Variants in FARP2 observed in about 807,000 individuals in gnomAD.
The protein encoded by FARP2 is FERM, ARH/RhoGEF and pleckstrin domain protein 2.
In FARP2, 111 loss-of-function variants were observed where a neutral mutation model predicts 130.5. The ratio of observed to expected loss-of-function variants is 0.85; its 90% CI spans 0.73 to 1.00. The LOEUF (loss-of-function observed/expected upper bound fraction) is 1.00. Ranked by LOEUF, FARP2 falls within the 50% of genes least tolerant of loss-of-function variation. The probability of loss-of-function intolerance (pLI) is 0.00; values close to 1 mark genes in which losing one functional copy is unlikely to be tolerated. For synonymous variants in FARP2, 504 were observed against 516.9 expected (o/e 0.98, Z 0.34); for missense variants, 1,385 against 1,346.3 (o/e 1.03, Z -0.45).
intron 8 of FARP2, among the ~76,000 whole-genome samples, chr2:241,421,034 G>A (rs1488720551): frequency 1.3e-5 from 2 of 152,150 alleles, no homozygotes; most frequent in African/African-American, 2.4e-5. Context: ...ATGAAGAAAA[G>A]CGAGGGTGGG....
At chr2:241,461,113 C>T (rs950253417) in intron 14 of FARP2, among the ~76,000 whole-genome samples, 1 of 152,176 alleles carries the variant, frequency 6.6e-6, no homozygotes, top group African/African-American at 2.4e-5. Context: ...TGCTCACTTG[C>T]AAACCCAGCT....
chr2:241,379,383 T>A (rs1171231432), intron 2 of FARP2, among the ~76,000 whole-genome samples: 1 of 152,232 alleles, frequency 6.6e-6, no homozygotes, highest in Non-Finnish European at 1.5e-5. Context: ...TGCTGACAAG[T>A]GGGGATTGCA....
chr2:241,407,873 T>TA (rs2062404484), intron 5 of FARP2, among the ~76,000 whole-genome samples: 1 of 152,184 alleles, frequency 6.6e-6, no homozygotes, highest in Non-Finnish European at 1.5e-5. Context: ...ATGTTGAACT[T>TA]ACATTTTCCA....
intron 14 of FARP2, among the ~76,000 whole-genome samples, chr2:241,458,037 G>A (rs903738523): frequency 6.6e-6 from 1 of 152,176 alleles, no homozygotes. Flanking sequence ...GAAAGTGACC[G>A]AGCAGAGAAG....
chr2:241,390,872 T>A (rs2061889029), intron 2 of FARP2, among the ~76,000 whole-genome samples: 1 of 152,224 alleles, frequency 6.6e-6, no homozygotes, highest in African/African-American at 2.4e-5. Context: ...TCTTAGTGTC[T>A]GTGTATTTTT....
intron 2 of FARP2, among the ~76,000 whole-genome samples, chr2:241,393,101 C>T (rs1575496149): frequency 1.3e-5 from 2 of 151,784 alleles, no homozygotes; most frequent in East Asian, 3.9e-4. Flanking sequence ...CTCATTGCAA[C>T]CTCTGCCTCC....
chr2:241,463,311 C>G (rs1354666507), intron 15 of FARP2, 24 bp from the exon 16 acceptor site: 2 of 1,610,112 alleles, frequency 1.2e-6, no homozygotes, highest in East Asian at 4.5e-5. Context: ...CCACACCTCC[C>G]ATCACACCAC....
intron 7 of FARP2, 34 bp downstream of exon 7, chr2:241,413,455 C>A: frequency 7.3e-7 from 1 of 1,364,878 alleles, no homozygotes; most frequent in Non-Finnish European, 1.0e-6. Flanking sequence ...AACACATTGT[C>A]ACCACAGTAA....
rs928852962 is a variant in FARP2 at position 241,482,699 on chromosome 2, G to A, written c.2263-766G>A. 6.6e-6 allele frequency among the ~76,000 whole-genome samples: 1 copy of A among 152,088 alleles called. No homozygotes were observed. Among genetic ancestry groups the A allele is most frequent in the African/African-American group, 2.4e-5 (1 of 41,404 alleles). On this transcript the variant is annotated intron_variant, in intron 19 of 26. Coordinates refer to ENST00000264042, the MANE Select transcript of FARP2 (RefSeq NM_014808.4). This position sits in a 1 kb window ranked among gnomAD's most constrained non-coding sequence, Gnocchi z 4.6. The stretch of plus-strand genomic sequence containing the variant: ...CTTCTGCCTTCACGCAGTATGTTGG[G>A]ACTGCTCATACTAGGAGGCCCCTAG...
At chr2:241,423,969 A>C (rs943977881) in intron 8 of FARP2, among the ~76,000 whole-genome samples, 2 of 152,212 alleles carry the variant, frequency 1.3e-5, no homozygotes, top group Non-Finnish European at 2.9e-5. Flanking sequence ...AAGTTCTTAA[A>C]GATCTAAAAA....
intron 1 of FARP2, among the ~76,000 whole-genome samples, chr2:241,358,509 G>A (rs1221676443): frequency 6.6e-6 from 1 of 152,188 alleles, no homozygotes; most frequent in African/African-American, 2.4e-5. Context: ...AAACACCCCT[G>A]CTTCTAGTCA....
At chr2:241,411,178 A>G (rs1202084661) in intron 6 of FARP2, 48 bp downstream of exon 6, 1 of 1,284,932 alleles carries the variant, frequency 7.8e-7, no homozygotes, top group Admixed American at 1.8e-5. Flanking sequence ...CATGGCACAG[A>G]TATACCCGCA....
intron 13 of FARP2, chr2:241,456,320 T>G (rs2063836098): frequency 6.4e-6 from 1 of 155,044 alleles, no homozygotes; most frequent in Non-Finnish European, 1.4e-5. Context: ...ATGTTAGCCC[T>G]GGTTTGACAT....
intron 26 of FARP2, 153 bp downstream of exon 26, chr2:241,493,597 G>GT (rs11320829): frequency 0.23 from 124,699 of 546,956 alleles, 2,931 homozygotes; most frequent in East Asian, 0.32. Flanking sequence ...GCAATGCTTT[G>GT]TTTTTTTTTT....
At chr2:241,472,109 C>A (rs375674000) in intron 18 of FARP2, among the ~76,000 whole-genome samples, 3 of 150,678 alleles carry the variant, frequency 2.0e-5, no homozygotes, top group Admixed American at 6.6e-5. Context: ...CTGTGGAGAC[C>A]CTATTCTGAG....
chr2:241,407,724 G>A, intron 5 of FARP2, 109 bp downstream of exon 5: 1 of 820,402 alleles, frequency 1.2e-6, no homozygotes, highest in Non-Finnish European at 2.0e-6. Context: ...GATATACACA[G>A]AAAAGTGACC....
At chr2:241,374,806 A>T (rs1460134388) in intron 2 of FARP2, among the ~76,000 whole-genome samples, 1 of 152,234 alleles carries the variant, frequency 6.6e-6, no homozygotes, top group East Asian at 1.9e-4. Flanking sequence ...AACTTCCCAC[A>T]TCACTTCTGT....
chr2:241,405,168 A>G (rs2062300865), intron 4 of FARP2: 1 of 203,234 alleles, frequency 4.9e-6, no homozygotes, highest in Admixed American at 5.3e-5. Flanking sequence ...GTAGCTTTTA[A>G]TAAAATAGTT....
At chr2:241,415,920 A>G (rs918366870) in intron 7 of FARP2, among the ~76,000 whole-genome samples, 1 of 151,972 alleles carries the variant, frequency 6.6e-6, no homozygotes, top group East Asian at 1.9e-4. Flanking sequence ...GGCAGTGACA[A>G]CATCTTTGGG....
Sources: allele counts gnomAD v4.1 joint callset (sites outside exome capture counted in the v4.1 genomes callset), GRCh38; gene constraint gnomAD v4.1.1; non-coding constraint Gnocchi (gnomAD v3.1); transcripts MANE v1.5; gene names NCBI Gene and HGNC (gene_info 2026-07-23, HGNC 2026-07-21).